CCND1: variants seen among roughly 807,000 people sequenced by gnomAD.
CCND1 encodes cyclin D1.
A neutral mutation model predicts 26.1 loss-of-function variants in CCND1; 9 were observed. The ratio of observed to expected loss-of-function variants is 0.35; its 90% CI spans 0.21 to 0.60. The LOEUF is 0.60. CCND1 is among the 20% of genes least tolerant of loss of function. CCND1 has a pLI of 0.79. For missense variants in CCND1, 335 were observed against 392.9 expected, an observed-to-expected ratio of 0.85 and a Z score of 1.25; for synonymous variants, 194 against 166.1, an observed-to-expected ratio of 1.17 and a Z score of -1.29.
chr11:69,647,377 G>A (rs570162439), intron 3 of CCND1, among the ~76,000 whole-genome samples: 1 of 152,204 alleles, frequency 6.6e-6, no homozygotes, highest in South Asian at 2.1e-4. Context: ...CTGGCGCCAG[G>A]GCCTGAGCCG....
Position 69,653,595 on chromosome 11 carries a change from C to T in CCND1, c.*2313C>T, listed in dbSNP as rs1294073881. On this transcript the variant is annotated 3_prime_UTR_variant, in exon 5 of 5. Transcript: ENST00000227507. Reference sequence around the variant, plus strand: ...GCGATCCCACACAGGCTGGCGGGGGCCGGCCCCGAGGCCGCGTGCGTGAGA... The same window carrying T: ...GCGATCCCACACAGGCTGGCGGGGGTCGGCCCCGAGGCCGCGTGCGTGAGA... 11 of 495,964 alleles carry T rather than the reference C, an allele frequency of 2.2e-5. No individual in the cohort carries two copies. In the Admixed American group the frequency reaches 4.3e-4, roughly 20 times the overall value. The allele number at this position is 495,964 out of a possible 1,614,324, so 30.7% of individuals were successfully genotyped here.
chr11:69,645,741 A>G (rs1855769736), intron 3 of CCND1, among the ~76,000 whole-genome samples: 1 of 152,178 alleles, frequency 6.6e-6, no homozygotes, highest in African/African-American at 2.4e-5. Context: ...CGTGGGAAAG[A>G]GTCTAGGAAG....
rs181853828 is a variant in CCND1 at position 69,649,538 on chromosome 11, G to A, written c.723+1396G>A. ...CAGAGGCCCCTGCATTTTCTAGGGC[G>A]TGTTCTAGAATTTTCTTTGGTGGGT... is the stretch of plus-strand genomic sequence containing the variant. On this transcript the variant is annotated intron_variant, in intron 4 of 4. Transcript: ENST00000227507. Among the ~76,000 whole-genome samples, 211 of 152,340 alleles carry A rather than the reference G, an allele frequency of 1.4e-3. 1 individual carries two copies. Among genetic ancestry groups the A allele is most frequent in the Admixed American group, 4.3e-3 (66 of 15,296 alleles).
rs2120087847 is a variant in CCND1 at position 69,643,025 on chromosome 11, C to T, written c.199-6C>T. ...GGCGGCGGTCACGGGCCCCGTGCCT[C>T]CGTAGGTCTGCGAGGAACAGAAGTG... is the stretch of plus-strand genomic sequence containing the variant. On this transcript the variant is annotated splice_polypyrimidine_tract_variant and splice_region_variant and intron_variant, in intron 1 of 4. Coordinates refer to ENST00000227507, the MANE Select transcript of CCND1 (RefSeq NM_053056.3). 1 of 1,574,648 alleles carries T rather than the reference C, an allele frequency of 6.4e-7. No individual in the cohort carries two copies. Among genetic ancestry groups the T allele is most frequent in the South Asian group, 1.2e-5 (1 of 86,876 alleles).
intron 4 of CCND1, among the ~76,000 whole-genome samples, chr11:69,650,052 G>A (rs1314490081): frequency 1.3e-5 from 2 of 152,212 alleles, no homozygotes; most frequent in Non-Finnish European, 2.9e-5. Flanking sequence ...CCTAAAAGTC[G>A]TTCTGGCCTG....
At chr11:69,650,784 A>G (rs1221818994) in intron 4 of CCND1, among the ~76,000 whole-genome samples, 1 of 151,350 alleles carries the variant, frequency 6.6e-6, no homozygotes, top group African/African-American at 2.4e-5. Flanking sequence ...TTCCCCAGGG[A>G]GCTGGCACGG....
rs2120109674 is a variant in CCND1, at chr11:69,648,099, A to G, written c.680A>G (p.Tyr227Cys). 6.2e-7 allele frequency: 1 copy of G among 1,613,792 alleles called. No individual in the cohort carries two copies. Among genetic ancestry groups the G allele is most frequent in the Non-Finnish European group, 8.5e-7 (1 of 1,179,970 alleles). ...LRSPNNFLSY[Y>C]RLTRFLSRVI... ...AGCCCCAACAACTTCCTGTCCTACT[A>G]CCGCCTCACACGCTTCCTCTCCAGA... The change falls in exon 4 of 5, where the codon TAC becomes TGC. Residue 227 changes from tyrosine to cysteine, a missense_variant. By Grantham distance (194) the Tyr-to-Cys change is radical. Transcript: ENST00000227507.
chr11:69,643,720 C>A, intron 2 of CCND1, 112 bp from the exon 3 acceptor site: 1 of 969,744 alleles, frequency 1.0e-6, no homozygotes, highest in Non-Finnish European at 1.5e-6. Context: ...GACGCAGGGG[C>A]CAGTGCTCTG....
In CCND1 at chr11:69,654,066, G is replaced by A. The variant is rs2120129871; in HGVS notation, c.*2784G>A. On this transcript the variant is annotated 3_prime_UTR_variant, in exon 5 of 5. Coordinates refer to ENST00000227507, the MANE Select transcript of CCND1 (RefSeq NM_053056.3). The surrounding 1 kb of genome is among the most constrained non-coding windows in gnomAD (Gnocchi z 6.3). ...CCCGCTGCGGGCCCACGTGGTTGGG[G>A]CCCTGCCCTGGCAGGGTCATCCTGT... 1 of 608,480 alleles carries A rather than the reference G, an allele frequency of 1.6e-6. No individual in the cohort carries two copies. Among genetic ancestry groups the A allele is most frequent in the African/African-American group, 1.8e-5 (1 of 54,644 alleles). 37.7% of individuals were successfully genotyped at this position (608,480 alleles called of 1,614,324 possible).
At chr11:69,650,042 C>T (rs1429995701) in intron 4 of CCND1, among the ~76,000 whole-genome samples, 2 of 152,204 alleles carry the variant, frequency 1.3e-5, no homozygotes, top group East Asian at 1.9e-4. Context: ...CAGTGGTCCA[C>T]CTAAAAGTCG....
chr11:69,642,219 T>A (rs1217077438), intron 1 of CCND1, among the ~76,000 whole-genome samples: 1 of 151,890 alleles, frequency 6.6e-6, no homozygotes, highest in Non-Finnish European at 1.5e-5. Context: ...CACGGCGAGC[T>A]GCAAGGTCGC....
Position 69,653,348 on chromosome 11 carries a change from A to G in CCND1, c.*2066A>G, listed in dbSNP as rs140779377. 255 of 702,006 alleles carry G rather than the reference A, an allele frequency of 3.6e-4. 3 individuals are homozygous for G. Among genetic ancestry groups the G allele is most frequent in the Admixed American group, 2.3e-3 (114 of 49,920 alleles). 43.5% of individuals were successfully genotyped at this position (702,006 alleles called of 1,614,324 possible). A position where few individuals can be genotyped will look rare whatever the true frequency, so the allele number is the denominator to read the frequency against. On this transcript the variant is annotated 3_prime_UTR_variant, in exon 5 of 5. Transcript: ENST00000227507. ...TTGGAGGATCAGTTTTTTGTTTTAC[A>G]ATGTCATATACTGCCATGTACTAGT...
chr11:69,647,253 TG>T lies in CCND1; in HGVS notation c.575-737del, dbSNP rs1158037460. 4.0e-5 allele frequency among the ~76,000 whole-genome samples: 6 copies of T among 150,588 alleles called. No individual in the cohort carries two copies. In the East Asian group the frequency reaches 1.2e-3, roughly 30 times the overall value. On this transcript the variant is annotated intron_variant, in intron 3 of 4. Transcript: ENST00000227507. Reference sequence around the variant, plus strand: ...TGTGAGTAGAGGGCCCGGGTGGAGTTGGGGTGTACTTGGTCTGTGCTCTGAA... The same window carrying T: ...TGTGAGTAGAGGGCCCGGGTGGAGTTGGGTGTACTTGGTCTGTGCTCTGAA...
chr11:69,654,185 C>A lies in CCND1; in HGVS notation c.*2903C>A. 1 of 615,456 alleles carries A rather than the reference C, an allele frequency of 1.6e-6. No individual in the cohort carries two copies. Among genetic ancestry groups the A allele is most frequent in the East Asian group, 3.3e-5 (1 of 30,476 alleles). 38.1% of individuals were successfully genotyped at this position (615,456 alleles called of 1,614,324 possible). A position where few individuals can be genotyped will look rare whatever the true frequency, so the allele number is the denominator to read the frequency against. The stretch of plus-strand genomic sequence containing the variant: ...CAACCATCCTGGCTGCGGCGTCTGT[C>A]TGAACCACGCGGGGGCCTTGAGGGA... On this transcript the variant is annotated 3_prime_UTR_variant, in exon 5 of 5. Transcript: ENST00000227507. The surrounding 1 kb of genome is among the most constrained non-coding windows in gnomAD (Gnocchi z 6.3).
At position 69,641,275 on chromosome 11, in the gene CCND1, C is replaced by A. The variant is rs779864565; in HGVS notation, c.-39C>A. On this transcript the variant is annotated 5_prime_UTR_variant, in exon 1 of 5. Transcript: ENST00000227507. ...GAGCCGAGCGCGGACCCAGCCAGGA[C>A]CCACAGCCCTCCCCAGCTGCCCAGG... The A allele has an allele frequency of 6.3e-7, 1 of 1,588,912 alleles. No homozygotes were observed. The highest frequency in any genetic ancestry group is 2.2e-5 in the East Asian group (1 of 44,742).
At chr11:69,649,354 C>T (rs1480851530) in intron 4 of CCND1, among the ~76,000 whole-genome samples, 2 of 152,226 alleles carry the variant, frequency 1.3e-5, no homozygotes, top group East Asian at 1.9e-4. Context: ...AAGTTGGGCG[C>T]TGGCCCTTAT....
rs1855694751 is a variant in CCND1, at chr11:69,641,253, C to A, written c.-61C>A. On this transcript the variant is annotated 5_prime_UTR_variant, in exon 1 of 5. Transcript: ENST00000227507. The stretch of plus-strand genomic sequence containing the variant: ...GAGCGCGGGGCAGCAGAAGCGAGAG[C>A]CGAGCGCGGACCCAGCCAGGACCCA... The A allele has an allele frequency of 2.0e-6, 3 of 1,506,022 alleles. No homozygotes were observed. Among genetic ancestry groups the A allele is most frequent in the Non-Finnish European group, 2.7e-6 (3 of 1,095,432 alleles). The allele number at this position is 1,506,022 out of a possible 1,614,324, so 93.3% of individuals were successfully genotyped here. A position where few individuals can be genotyped will look rare whatever the true frequency, so the allele number is the denominator to read the frequency against.
At chr11:69,645,006 G>A (rs1855761021) in intron 3 of CCND1, among the ~76,000 whole-genome samples, 1 of 152,162 alleles carries the variant, frequency 6.6e-6, no homozygotes, top group Non-Finnish European at 1.5e-5. Context: ...GCTCCCTTCT[G>A]ACACCGGTAG....
At chr11:69,642,824 G>A (rs906629650) in intron 1 of CCND1, among the ~76,000 whole-genome samples, 4 of 151,966 alleles carry the variant, frequency 2.6e-5, no homozygotes, top group Admixed American at 2.6e-4. Context: ...AGCCTCGCGG[G>A]GACTTTCCCT....
Sources: allele counts gnomAD v4.1 joint callset (sites outside exome capture counted in the v4.1 genomes callset), GRCh38; gene constraint gnomAD v4.1.1; non-coding constraint Gnocchi (gnomAD v3.1); transcripts MANE v1.5; gene names NCBI Gene and HGNC (gene_info 2026-07-23, HGNC 2026-07-21).